The following CCDC81 variants were observed in gnomAD, a reference collection of about 807,000 sequenced individuals.
The protein encoded by CCDC81 is coiled-coil domain containing 81.
Under a neutral mutation model 83.7 loss-of-function variants are expected in CCDC81, and 79 were observed. The observed-to-expected ratio is 0.94, with a 90% CI of 0.79 to 1.14. The LOEUF is 1.14. CCDC81 is among the 50% of genes most tolerant of loss of function. The pLI is 0.00. For synonymous variants in CCDC81, 252 were observed against 278.1 expected (o/e 0.91, Z 0.93); for missense variants, 791 against 778.1 (o/e 1.02, Z -0.20).
At chr11:86,403,140 C>T (rs1014918224) in intron 7 of CCDC81, among the ~76,000 whole-genome samples, 2 of 151,512 alleles carry the variant, frequency 1.3e-5, no homozygotes, top group Non-Finnish European at 2.9e-5. Context: ...AGGCATGAGC[C>T]ACCACACCTG....
chr11:86,421,602 G>A (rs1367307537), intron 14 of CCDC81, among the ~76,000 whole-genome samples: 2 of 152,190 alleles, frequency 1.3e-5, no homozygotes, highest in Non-Finnish European at 2.9e-5. Context: ...AAGCCACCGC[G>A]CCCGGCCGAT....
rs1171184624 is a variant in CCDC81, at chr11:86,414,859, G to C, written c.1462G>C (p.Asp488His). ...AACACAGTGTTACAAGAGAGCTTTG[G>C]ATGCACAGGTAAGGGGACAGACAAA... ...EETQCYKRAL[D>H]AQIKNKPSRL... is the part of the protein sequence containing the mutation. The change falls in exon 12 of 15, where the codon GAT becomes CAT. Residue 488 changes from aspartate (D) to histidine (H), a missense_variant. Coordinates refer to ENST00000445632, the MANE Select transcript of CCDC81 (RefSeq NM_001156474.2). The C allele has an allele frequency of 6.2e-7, 1 of 1,608,052 alleles. No individual in the cohort carries two copies. Among genetic ancestry groups the C allele is most frequent in the Non-Finnish European group, 8.5e-7 (1 of 1,178,420 alleles).
chr11:86,391,804 T>G (rs1948333107), intron 3 of CCDC81, among the ~76,000 whole-genome samples: 1 of 152,104 alleles, frequency 6.6e-6, no homozygotes, highest in African/African-American at 2.4e-5. Flanking sequence ...ACTGGGTAAT[T>G]TATAAAGAAA....
At chr11:86,379,766 C>T (rs146901203) in intron 1 of CCDC81, among the ~76,000 whole-genome samples, 70 of 152,188 alleles carry the variant, frequency 4.6e-4, no homozygotes, top group African/African-American at 1.5e-3. Context: ...CGCTGGAGTC[C>T]AGGAGTCCAG....
At chr11:86,388,204 C>CCTTCCCAA (rs1948273187) in intron 3 of CCDC81, among the ~76,000 whole-genome samples, 1 of 139,624 alleles carries the variant, frequency 7.2e-6, no homozygotes, top group Non-Finnish European at 1.5e-5. Flanking sequence ...CTCCTTCCCT[C>CCTTCCCAA]CTTCCCTCCT....
At chr11:86,384,725 G>C (rs1273477941) in intron 1 of CCDC81, among the ~76,000 whole-genome samples, 1 of 152,194 alleles carries the variant, frequency 6.6e-6, no homozygotes, top group Non-Finnish European at 1.5e-5. Context: ...TGGCAAGTTT[G>C]TTAATGTCAC....
At chr11:86,405,784 T>C (rs149772652) in intron 7 of CCDC81, among the ~76,000 whole-genome samples, 1 of 141,034 alleles carries the variant, frequency 7.1e-6, no homozygotes, top group African/African-American at 2.6e-5. Flanking sequence ...TCTTCTTTTT[T>C]CTTTTTTTTT....
intron 5 of CCDC81, among the ~76,000 whole-genome samples, chr11:86,396,047 A>G (rs1948405618): frequency 6.6e-6 from 1 of 152,050 alleles, no homozygotes; most frequent in Non-Finnish European, 1.5e-5. Context: ...ACTTTGTACC[A>G]CTTCTTCTGC....
At chr11:86,419,808 T>TA (rs1948765046) in intron 13 of CCDC81, 120 bp from the exon 14 acceptor site, 3 of 1,011,790 alleles carry the variant, frequency 3.0e-6, no homozygotes, top group Non-Finnish European at 4.2e-6. Context: ...TTTTAGTATA[T>TA]TTCAGAGTAG....
intron 9 of CCDC81, among the ~76,000 whole-genome samples, chr11:86,408,474 C>T (rs1948593231): frequency 6.6e-6 from 1 of 152,126 alleles, no homozygotes; most frequent in African/African-American, 2.4e-5. Flanking sequence ...GCTGGGACTA[C>T]AGGCACACGT....
intron 2 of CCDC81, 111 bp downstream of exon 2, chr11:86,386,223 C>G (rs971162286): frequency 4.8e-5 from 15 of 314,336 alleles, no homozygotes; most frequent in African/African-American, 3.3e-4. Flanking sequence ...GGGAGCAGGG[C>G]AGTAGACTTT....
At chr11:86,401,054 A>G (rs1473636623) in intron 7 of CCDC81, among the ~76,000 whole-genome samples, 1 of 152,230 alleles carries the variant, frequency 6.6e-6, no homozygotes, top group Non-Finnish European at 1.5e-5. Context: ...AAAATAGCAC[A>G]GAGTTGGGAT....
In CCDC81 at chr11:86,422,903, C is replaced by G. The variant is rs1948815277; in HGVS notation, c.*188C>G. On this transcript the variant is annotated 3_prime_UTR_variant, in exon 15 of 15. Transcript: ENST00000445632. Reference sequence around the variant, plus strand: ...CTTTCCTCCCACCCCCAATTATTTCCTATACTAGTTTCTGATGGCAGTGAA... The same window carrying G: ...CTTTCCTCCCACCCCCAATTATTTCGTATACTAGTTTCTGATGGCAGTGAA... 1 of 601,616 alleles carries G rather than the reference C, an allele frequency of 1.7e-6. No individual in the cohort carries two copies. The highest frequency in any genetic ancestry group is 3.1e-5 in the Admixed American group (1 of 32,714). The allele number at this position is 601,616 out of a possible 1,614,324, so 37.3% of individuals were successfully genotyped here. A position where few individuals can be genotyped will look rare whatever the true frequency, so the allele number is the denominator to read the frequency against.
chr11:86,399,955 T>TCTA (rs942644462), intron 6 of CCDC81, among the ~76,000 whole-genome samples: 6 of 147,654 alleles, frequency 4.1e-5, no homozygotes, highest in East Asian at 2.0e-4. Flanking sequence ...AAACCCCATC[T>TCTA]CTACTACTAC....
At chr11:86,393,160 T>G (rs1274116652) in intron 4 of CCDC81, among the ~76,000 whole-genome samples, 1 of 152,210 alleles carries the variant, frequency 6.6e-6, no homozygotes, top group Non-Finnish European at 1.5e-5. Flanking sequence ...CATGCCGGGT[T>G]TGAGTGATTC....
chr11:86,406,830 T>C (rs1253306460), intron 7 of CCDC81, among the ~76,000 whole-genome samples: 8 of 152,054 alleles, frequency 5.3e-5, no homozygotes, highest in Admixed American at 4.6e-4. Flanking sequence ...ATAAATAAAA[T>C]TAAAAAATAA....
chr11:86,382,242 A>T (rs375119695), intron 1 of CCDC81, among the ~76,000 whole-genome samples: 35 of 152,284 alleles, frequency 2.3e-4, no homozygotes, highest in South Asian at 8.3e-4. Flanking sequence ...TGGGGAATGA[A>T]TAGGAGGGTC....
At chr11:86,375,528 T>G (rs774610282) in intron 1 of CCDC81, among the ~76,000 whole-genome samples, 3 of 152,074 alleles carry the variant, frequency 2.0e-5, no homozygotes, top group Non-Finnish European at 2.9e-5. Flanking sequence ...AAACAGCCAC[T>G]CCCACACCAC....
At chr11:86,385,088 T>A (rs1261202772) in intron 1 of CCDC81, among the ~76,000 whole-genome samples, 3 of 152,222 alleles carry the variant, frequency 2.0e-5, no homozygotes, top group East Asian at 3.8e-4. Context: ...TGTGTGTTTT[T>A]AAAAAATTAT....
Sources: allele counts gnomAD v4.1 joint callset (sites outside exome capture counted in the v4.1 genomes callset), GRCh38; gene constraint gnomAD v4.1.1; transcripts MANE v1.5; gene names NCBI Gene and HGNC (gene_info 2026-07-23, HGNC 2026-07-21).